Variants in SORL1 observed in about 807,000 individuals in gnomAD.
SORL1 encodes the protein sortilin-related receptor.
Under a neutral mutation model 273.7 loss-of-function variants are expected in SORL1, and 127 were observed. That is an observed-to-expected ratio of 0.46 (90% CI 0.40 to 0.54). SORL1 has a LOEUF of 0.54. Among genes scored for constraint, SORL1 ranks in the 20% least tolerant of loss-of-function variants. SORL1 has a pLI of 0.00. For synonymous variants in SORL1, 1,031 were observed against 1,067.4 expected, an observed-to-expected ratio of 0.97 and a Z score of 0.66; for missense variants, 2,494 against 2,846.1, an observed-to-expected ratio of 0.88 and a Z score of 2.81.
chr11:121,466,160 G>A (rs763031435), intron 1 of SORL1, among the ~76,000 whole-genome samples: 1 of 152,218 alleles, frequency 6.6e-6, no homozygotes, highest in Non-Finnish European at 1.5e-5. Flanking sequence ...CATTTATCAA[G>A]CTCCAGCTAT....
At chr11:121,544,712 C>T (rs528953707) in intron 13 of SORL1, among the ~76,000 whole-genome samples, 7 of 152,280 alleles carry the variant, frequency 4.6e-5, no homozygotes, top group Admixed American at 2.0e-4. Flanking sequence ...TTAGACATTT[C>T]GATGAACGTG....
chr11:121,616,229 A>C (rs543795400), intron 41 of SORL1, among the ~76,000 whole-genome samples: 1 of 152,176 alleles, frequency 6.6e-6, no homozygotes, highest in East Asian at 1.9e-4. Context: ...TAGGGTCTCC[A>C]ATTGTGCATG....
At chr11:121,612,155 A>ATTCT (rs1863574344) in intron 39 of SORL1, 1 of 152,580 alleles carries the variant, frequency 6.6e-6, no homozygotes, top group Non-Finnish European at 1.5e-5. Flanking sequence ...AAAGAAAAAA[A>ATTCT]GAAAAGAAAG....
At chr11:121,541,603 T>TAA (rs1862351482) in intron 12 of SORL1, among the ~76,000 whole-genome samples, 1 of 152,180 alleles carries the variant, frequency 6.6e-6, no homozygotes, top group Admixed American at 6.5e-5. Context: ...CCCAAAGGTG[T>TAA]AAAACTAAAA....
chr11:121,584,052 C>T (rs1302304510), intron 26 of SORL1, among the ~76,000 whole-genome samples: 1 of 152,212 alleles, frequency 6.6e-6, no homozygotes, highest in Admixed American at 6.5e-5. Context: ...TACATGGTTG[C>T]TTCCTGGTTG....
At chr11:121,600,073 T>C (rs944275075) in intron 32 of SORL1, among the ~76,000 whole-genome samples, 8 of 152,234 alleles carry the variant, frequency 5.3e-5, no homozygotes, top group African/African-American at 1.9e-4. Context: ...AATACAGAGT[T>C]ACCCAGATAG....
Position 121,595,722 on chromosome 11 carries a change from G to A in SORL1, c.4469G>A (p.Arg1490His), listed in dbSNP as rs376955109. Residue 1490 changes from arginine (R) to histidine (H), a missense_variant, in exon 32 of 48, where the codon CGC becomes CAC. Physicochemically the swap from Arg to His is conservative, Grantham distance 29. Transcript: ENST00000260197. The surrounding 1 kb of genome is among the most constrained non-coding windows in gnomAD (Gnocchi z 5.1). ...AAGACGTGTATTCCCAACTGGAAGCGCTGTGACGGCCACCAAGATTGCCAG... is the reference window on the plus strand; with the variant it reads ...AAGACGTGTATTCCCAACTGGAAGCACTGTGACGGCCACCAAGATTGCCAG... Reference protein sequence around the residue: ...QPKTCIPNWKRCDGHQDCQDG... With the variant: ...QPKTCIPNWKHCDGHQDCQDG... The A allele has an allele frequency of 2.2e-5, 35 of 1,613,860 alleles. No homozygotes were observed. Among genetic ancestry groups the A allele is most frequent in the African/African-American group, 9.3e-5 (7 of 74,932 alleles).
intron 21 of SORL1, among the ~76,000 whole-genome samples, chr11:121,561,246 G>C (rs1255806891): frequency 6.6e-6 from 1 of 152,094 alleles, no homozygotes. Flanking sequence ...GTGGCTACCC[G>C]GTCACAACTT....
At chr11:121,625,381 T>C in intron 46 of SORL1, 104 bp downstream of exon 46, 1 of 942,096 alleles carries the variant, frequency 1.1e-6, no homozygotes, top group South Asian at 1.7e-5. Flanking sequence ...ATGGAAGATA[T>C]TCTCAGCTTA....
chr11:121,488,279 T>G (rs1429855867), intron 4 of SORL1, 86 bp downstream of exon 4: 1 of 1,339,202 alleles, frequency 7.5e-7, no homozygotes, highest in Non-Finnish European at 1.0e-6. Flanking sequence ...TTGAGTGACC[T>G]CGCCTCCTGC....
intron 14 of SORL1, 81 bp from the exon 15 acceptor site, chr11:121,549,879 A>T: frequency 7.8e-7 from 1 of 1,279,754 alleles, no homozygotes; most frequent in Non-Finnish European, 1.1e-6. Context: ...AAAAGTAGTA[A>T]GGTAAAGTCA....
At chr11:121,620,777 C>G (rs1341755844) in intron 43 of SORL1, among the ~76,000 whole-genome samples, 1 of 152,188 alleles carries the variant, frequency 6.6e-6, no homozygotes, top group Non-Finnish European at 1.5e-5. Context: ...GATGTGCTTG[C>G]TTGTTCCAAC....
chr11:121,568,956 T>C (rs1784919), intron 22 of SORL1, among the ~76,000 whole-genome samples: 144,295 of 152,272 alleles, frequency 0.95, 68,617 homozygotes, highest in Non-Finnish European at 0.98. Context: ...TTACTTGTTG[T>C]GGGAAGTCCG....
At chr11:121,544,322 T>A (rs896344308) in intron 13 of SORL1, among the ~76,000 whole-genome samples, 1 of 152,126 alleles carries the variant, frequency 6.6e-6, no homozygotes, top group African/African-American at 2.4e-5. Flanking sequence ...TCGAAATCCT[T>A]TTCATATCTC....
chr11:121,460,235 AC>A (rs1860975108), intron 1 of SORL1, among the ~76,000 whole-genome samples: 1 of 152,030 alleles, frequency 6.6e-6, no homozygotes, highest in Non-Finnish European at 1.5e-5. Flanking sequence ...TTGAGTAGAA[AC>A]CCTGGGGGAA....
At chr11:121,482,803 C>T (rs1156452476) in intron 3 of SORL1, among the ~76,000 whole-genome samples, 4 of 152,208 alleles carry the variant, frequency 2.6e-5, no homozygotes, top group African/African-American at 9.7e-5. Flanking sequence ...GAAAGGGCAG[C>T]GTGGATGTCT....
chr11:121,586,218 TC>T lies in SORL1; in HGVS notation c.3707-3del, dbSNP rs755007346. The T allele has an allele frequency of 4.4e-6, 7 of 1,605,020 alleles. No individual in the cohort carries two copies. In the Admixed American group the frequency reaches 1.2e-4, roughly 27 times the overall value. On this transcript the variant is annotated splice_polypyrimidine_tract_variant and splice_region_variant and intron_variant, in intron 26 of 47. Coordinates refer to ENST00000260197, the MANE Select transcript of SORL1 (RefSeq NM_003105.6). ...TTCTTCTGTGTTGTTGAATTCTATT[TC>T]AGAGAAGAAGTGCAATGGATTCCGC...
intron 1 of SORL1, among the ~76,000 whole-genome samples, chr11:121,455,385 A>T (rs924030648): frequency 2.0e-4 from 30 of 152,200 alleles, no homozygotes; most frequent in Non-Finnish European, 4.1e-4. Flanking sequence ...AGCACAGGTT[A>T]GGGCTGGAAG....
intron 1 of SORL1, among the ~76,000 whole-genome samples, chr11:121,462,834 C>G (rs1212837388): frequency 6.6e-6 from 1 of 152,216 alleles, no homozygotes; most frequent in Non-Finnish European, 1.5e-5. Flanking sequence ...ATCCACCCGC[C>G]TTGGCCTCCC....
Sources: gnomAD v4.1 joint callset for allele counts (sites outside exome capture counted in the v4.1 genomes callset) on GRCh38, gnomAD v4.1.1 for gene constraint, Gnocchi (gnomAD v3.1) non-coding constraint, MANE v1.5 for transcripts, NCBI Gene and HGNC (gene_info 2026-07-23, HGNC 2026-07-21) for gene names.